DOCK4: variants seen among roughly 807,000 people sequenced by gnomAD.
DOCK4 encodes the protein dedicator of cytokinesis 4.
A neutral mutation model predicts 268.1 loss-of-function variants in DOCK4; 97 were observed. The observed-to-expected ratio is 0.36, with a 90% CI of 0.31 to 0.43. DOCK4 has a LOEUF of 0.43. DOCK4 is among the 20% of genes least tolerant of loss of function. DOCK4 has a pLI of 1.00. For synonymous variants in DOCK4, 954 were observed against 887.2 expected, an observed-to-expected ratio of 1.08 and a Z score of -1.34; for missense variants, 2,145 against 2,455.7, an observed-to-expected ratio of 0.87 and a Z score of 2.67.
intron 1 of DOCK4, among the ~76,000 whole-genome samples, chr7:112,081,011 C>T (rs535906499): frequency 1.2e-4 from 19 of 152,074 alleles, no homozygotes; most frequent in Non-Finnish European, 2.6e-4. Flanking sequence ...GAACAACTGT[C>T]GAGGTACATT....
At chr7:111,902,339 G>A (rs891723891) in intron 13 of DOCK4, among the ~76,000 whole-genome samples, 2 of 152,208 alleles carry the variant, frequency 1.3e-5, no homozygotes, top group South Asian at 2.1e-4. Flanking sequence ...GAATAATTCC[G>A]TCATACAGAC....
At chr7:111,741,499 G>A (rs377699698) in intron 46 of DOCK4, 41 bp downstream of exon 46, 186 of 1,604,068 alleles carry the variant, frequency 1.2e-4, no homozygotes, top group African/African-American at 4.0e-4. Context: ...ATCAGCTTGC[G>A]GGTGAGGCCA....
At chr7:112,063,401 T>C (rs1352731251) in intron 1 of DOCK4, among the ~76,000 whole-genome samples, 1 of 152,208 alleles carries the variant, frequency 6.6e-6, no homozygotes, top group Non-Finnish European at 1.5e-5. Flanking sequence ...ATGCATTTAA[T>C]ACACTTAACC....
intron 1 of DOCK4, among the ~76,000 whole-genome samples, chr7:112,114,352 AAC>A (rs1811937333): frequency 1.3e-5 from 2 of 152,230 alleles, no homozygotes; most frequent in Non-Finnish European, 2.9e-5. Flanking sequence ...TGGCAGAAAT[AAC>A]ACATTTTCCA....
chr7:111,754,074 C>G (rs1796866885), intron 42 of DOCK4, among the ~76,000 whole-genome samples: 1 of 152,218 alleles, frequency 6.6e-6, no homozygotes, highest in Admixed American at 6.5e-5. Flanking sequence ...CTCTCTGAAT[C>G]ATTAATGCAG....
rs772380425 is a variant in DOCK4 at position 111,909,220 on chromosome 7, G to C, written c.1192+6559C>G. Among the ~76,000 whole-genome samples, 4 of 152,310 alleles carry C rather than the reference G, an allele frequency of 2.6e-5. No homozygotes were observed. In the South Asian group the frequency reaches 6.2e-4, roughly 24 times the overall value. ...TAATCGCCCATTCTAACTGGTGTGAGATATATCTCATTGTGGTTTTGATTT... is the reference window on the plus strand; with the variant it reads ...TAATCGCCCATTCTAACTGGTGTGACATATATCTCATTGTGGTTTTGATTT... On this transcript the variant is annotated intron_variant, in intron 13 of 52. Coordinates refer to ENST00000428084, the MANE Select transcript of DOCK4 (RefSeq NM_001363540.2).
At chr7:111,856,245 A>G (rs1476329759) in intron 23 of DOCK4, among the ~76,000 whole-genome samples, 2 of 152,350 alleles carry the variant, frequency 1.3e-5, no homozygotes, top group Non-Finnish European at 1.5e-5. Context: ...AAGTTCAGAA[A>G]CATAGTAAGA....
At chr7:111,986,370 T>C (rs948405883) in intron 6 of DOCK4, among the ~76,000 whole-genome samples, 4 of 152,210 alleles carry the variant, frequency 2.6e-5, no homozygotes, top group East Asian at 1.9e-4. Flanking sequence ...ATAGTCTTGA[T>C]TGTTCAGCTT....
chr7:112,156,831 C>T (rs1186761884), intron 1 of DOCK4, among the ~76,000 whole-genome samples: 3 of 152,128 alleles, frequency 2.0e-5, no homozygotes, highest in Admixed American at 6.5e-5. Context: ...ACCACCTTAA[C>T]CTTTCATATT....
At position 112,121,273 on chromosome 7, in the gene DOCK4, C is replaced by A. The variant is rs868576808; in HGVS notation, c.37+84829G>T. 3.9e-5 allele frequency among the ~76,000 whole-genome samples: 6 copies of A among 152,252 alleles called. No individual in the cohort carries two copies. The Middle Eastern group carries it at 0.01, about 261-fold the overall frequency. ...CTACCAGATATGATATTTTCTGTAT[C>A]CTTGGATAAAGACTCTGATCTCCAA... is the stretch of plus-strand genomic sequence containing the variant. On this transcript the variant is annotated intron_variant, in intron 1 of 52. Coordinates refer to ENST00000428084, the MANE Select transcript of DOCK4 (RefSeq NM_001363540.2).
chr7:111,744,394 C>T (rs187055039), intron 44 of DOCK4, among the ~76,000 whole-genome samples: 103 of 152,274 alleles, frequency 6.8e-4, no homozygotes, highest in Non-Finnish European at 1.1e-3. Flanking sequence ...GTCCACCTCC[C>T]CACAGAGATG....
intron 25 of DOCK4, chr7:111,840,649 C>G: frequency 4.1e-6 from 1 of 245,750 alleles, no homozygotes; most frequent in Non-Finnish European, 7.4e-6. Context: ...AACTATGATA[C>G]AGCAGACGCC....
intron 50 of DOCK4, 77 bp from the exon 51 acceptor site, chr7:111,735,244 A>G: frequency 1.1e-6 from 1 of 947,704 alleles, no homozygotes; most frequent in Non-Finnish European, 1.5e-6. Context: ...GAAGAAAGTC[A>G]GAATTATCCA....
At chr7:112,100,075 T>C (rs185415018) in intron 1 of DOCK4, among the ~76,000 whole-genome samples, 1 of 152,288 alleles carries the variant, frequency 6.6e-6, no homozygotes. Context: ...ATTCTGACAA[T>C]AAAAATGAGC....
chr7:111,947,225 T>C (rs1398309263), intron 8 of DOCK4, among the ~76,000 whole-genome samples: 1 of 152,200 alleles, frequency 6.6e-6, no homozygotes, highest in Admixed American at 6.5e-5. Context: ...GGTTCTGTCA[T>C]TCAAATACAT....
At chr7:111,746,790 T>C (rs1325856828) in intron 43 of DOCK4, among the ~76,000 whole-genome samples, 1 of 150,040 alleles carries the variant, frequency 6.7e-6, no homozygotes, top group Admixed American at 6.7e-5. Flanking sequence ...ACTTAAAGTA[T>C]CATCTAAGCA....
intron 30 of DOCK4, among the ~76,000 whole-genome samples, chr7:111,792,370 G>A (rs1313208882): frequency 6.6e-6 from 1 of 152,096 alleles, no homozygotes; most frequent in Non-Finnish European, 1.5e-5. Flanking sequence ...AATGACTTTA[G>A]AGGGTTTTTG....
chr7:111,752,104 A>C (rs1796698329), intron 42 of DOCK4, among the ~76,000 whole-genome samples: 1 of 152,192 alleles, frequency 6.6e-6, no homozygotes, highest in African/African-American at 2.4e-5. Flanking sequence ...GAATACTAAA[A>C]TATTTGTAGA....
At chr7:112,090,734 T>C (rs950904009) in intron 1 of DOCK4, among the ~76,000 whole-genome samples, 1 of 152,188 alleles carries the variant, frequency 6.6e-6, no homozygotes, top group East Asian at 1.9e-4. Flanking sequence ...ACATAGTGCC[T>C]GGAGCAAAGA....
Sources: allele counts gnomAD v4.1 joint callset (sites outside exome capture counted in the v4.1 genomes callset), GRCh38; gene constraint gnomAD v4.1.1; transcripts MANE v1.5; gene names NCBI Gene and HGNC (gene_info 2026-07-23, HGNC 2026-07-21).